EVI2B: variants seen among roughly 807,000 people sequenced by gnomAD.
EVI2B encodes the protein ecotropic viral integration site 2B, also known as protein EVI2B.
In EVI2B, 4 loss-of-function variants were observed where a neutral mutation model predicts 6.6. The ratio of observed to expected loss-of-function variants is 0.61; its 90% confidence interval spans 0.30 to 1.39. The LOEUF (loss-of-function observed/expected upper bound fraction) is 1.39, where lower values mean the gene tolerates loss of function less well. EVI2B is among the 40% of genes most tolerant of loss of function. The probability of loss-of-function intolerance (pLI) is 0.08; values close to 1 mark genes in which losing one functional copy is unlikely to be tolerated. For missense variants in EVI2B, 484 were observed against 516.6 expected (o/e 0.94, Z 0.61); for synonymous variants, 181 against 186.8 (o/e 0.97, Z 0.25).
rs1567883890 is a variant in EVI2B, at chr17:31,304,360, G to A, written c.1250C>T (p.Ser417Phe). Reference sequence around the variant, plus strand: ...CTCCTGACACTGGATCTCAAGGTTGGAATCTTCTTGGTTTTTCATAAAATC... The same window carrying A: ...CTCCTGACACTGGATCTCAAGGTTGAAATCTTCTTGGTTTTTCATAAAATC... ...PVDFMKNQED[S>F]NLEIQCQEFS... Residue 417 changes from serine to phenylalanine, a missense_variant, in exon 2 of 2, where the codon TCC becomes TTC. Ser to Phe is a radical substitution (Grantham distance 155). Transcript: ENST00000330927. The A allele has an allele frequency of 3.1e-6, 5 of 1,614,092 alleles. No individual in the cohort carries two copies. Among genetic ancestry groups the A allele is most frequent in the African/African-American group, 1.3e-5 (1 of 75,036 alleles).
chr17:31,304,244 A>G lies in EVI2B; in HGVS notation c.*19T>C. 1 of 1,558,552 alleles carries G rather than the reference A, an allele frequency of 6.4e-7. No homozygotes were observed. Among genetic ancestry groups the G allele is most frequent in the Non-Finnish European group, 8.7e-7 (1 of 1,154,794 alleles). On this transcript the variant is annotated 3_prime_UTR_variant, in exon 2 of 2. Coordinates refer to ENST00000330927, the MANE Select transcript of EVI2B (RefSeq NM_006495.4). ...GTCATTTGAGGATGGAAGATCAGCTAAAAAGCAAGTTGTAATATTTATAAC... is the reference window on the plus strand; with the variant it reads ...GTCATTTGAGGATGGAAGATCAGCTGAAAAGCAAGTTGTAATATTTATAAC...
At chr17:31,307,543 G>A (rs983321350) in intron 1 of EVI2B, among the ~76,000 whole-genome samples, 1 of 152,202 alleles carries the variant, frequency 6.6e-6, no homozygotes, top group African/African-American at 2.4e-5. Context: ...TGTGGTAGAT[G>A]CTAAAACTTG....
intron 1 of EVI2B, among the ~76,000 whole-genome samples, chr17:31,310,117 T>C (rs2068829482): frequency 6.6e-6 from 1 of 152,172 alleles, no homozygotes; most frequent in Non-Finnish European, 1.5e-5. Flanking sequence ...TTATTTAGCA[T>C]ACACATTTTA....
chr17:31,306,304 C>T (rs2068718964), intron 1 of EVI2B, among the ~76,000 whole-genome samples: 1 of 152,018 alleles, frequency 6.6e-6, no homozygotes, highest in Non-Finnish European at 1.5e-5. Context: ...CAGCTTTATG[C>T]CACAATTCCT....
At position 31,308,005 on chromosome 17, in the gene EVI2B, AT is replaced by A. The variant is rs2068769766; in HGVS notation, c.-21-2376del. On this transcript the variant is annotated intron_variant, in intron 1 of 1. Coordinates refer to ENST00000330927, the MANE Select transcript of EVI2B (RefSeq NM_006495.4). ...ATATGTGATTTTTTTCCCTATACGA[AT>A]AATTCAAGCCTGAATTTTAAAACAG... 4 of 992,560 alleles carry A rather than the reference AT, an allele frequency of 4.0e-6. No individual in the cohort carries two copies. The South Asian group carries it at 5.4e-5, about 13-fold the overall frequency. 61.5% of individuals were successfully genotyped at this position (992,560 alleles called of 1,614,324 possible). A position where few individuals can be genotyped will look rare whatever the true frequency, so the allele number is the denominator to read the frequency against.
intron 1 of EVI2B, among the ~76,000 whole-genome samples, chr17:31,313,214 G>C (rs986849330): frequency 3.3e-5 from 5 of 152,032 alleles, no homozygotes; most frequent in African/African-American, 1.2e-4. Flanking sequence ...GCAAACTAAA[G>C]GGGATACAAA....
Position 31,305,590 on chromosome 17 carries a change from A to T in EVI2B, c.20T>A (p.Ile7Asn). ...CAGGTGTCCACAAAACAAAATTAAG[A>T]TGAAATATTTGGGATCCATTTCAGA... MDPKYFILILFCGHLNN... is the reference protein window; with the variant it reads MDPKYFNLILFCGHLNN... Residue 7 changes from isoleucine to asparagine, a missense_variant, in exon 2 of 2, where the codon ATC becomes AAC. By Grantham distance (149) the Ile-to-Asn change is moderately radical. Coordinates refer to ENST00000330927, the MANE Select transcript of EVI2B (RefSeq NM_006495.4). 1 of 1,612,900 alleles carries T rather than the reference A, an allele frequency of 6.2e-7. No homozygotes were observed. The highest frequency in any genetic ancestry group is 8.5e-7 in the Non-Finnish European group (1 of 1,179,444).
chr17:31,308,886 C>T (rs1246693466), intron 1 of EVI2B, among the ~76,000 whole-genome samples: 1 of 152,140 alleles, frequency 6.6e-6, no homozygotes, highest in Non-Finnish European at 1.5e-5. Flanking sequence ...ATTGTGTTTA[C>T]TTTTCACATT....
At chr17:31,312,749 A>C (rs1044469085) in intron 1 of EVI2B, among the ~76,000 whole-genome samples, 1 of 152,170 alleles carries the variant, frequency 6.6e-6, no homozygotes, top group African/African-American at 2.4e-5. Context: ...ATTACTTAGA[A>C]GAAATCCTTC....
At chr17:31,312,785 A>G (rs2068912397) in intron 1 of EVI2B, among the ~76,000 whole-genome samples, 2 of 152,184 alleles carry the variant, frequency 1.3e-5, no homozygotes, top group African/African-American at 4.8e-5. Context: ...AATATTTATT[A>G]AGTGTTGAAA....
chr17:31,304,649 C>CACTATCTT lies in EVI2B; in HGVS notation c.953_960dup (p.Ala321LysfsTer43). The CACTATCTT allele has an allele frequency of 1.9e-6, 3 of 1,614,166 alleles. No homozygotes were observed. The highest frequency in any genetic ancestry group is 2.5e-6 in the Non-Finnish European group (3 of 1,180,002). The stretch of plus-strand genomic sequence containing the variant: ...GCAGTTCCAACTGTTGAACCATCAG[C>CACTATCTT]ACTATCTTCTGATGTACCATTTACT... On this transcript the variant is annotated frameshift_variant, in exon 2 of 2. Coordinates refer to ENST00000330927, the MANE Select transcript of EVI2B (RefSeq NM_006495.4). LOFTEE classifies it low-confidence loss of function (END_TRUNC).
chr17:31,311,752 G>A (rs991675674), intron 1 of EVI2B, among the ~76,000 whole-genome samples: 2 of 152,200 alleles, frequency 1.3e-5, no homozygotes, highest in African/African-American at 4.8e-5. Context: ...GCTCTAAGTA[G>A]TGGCACTAAT....
chr17:31,304,930 C>T lies in EVI2B; in HGVS notation c.680G>A (p.Cys227Tyr). Residue 227 changes from cysteine (C) to tyrosine (Y), a missense_variant, in exon 2 of 2, where the codon TGC (cysteine) becomes TAC (tyrosine). Physicochemically the swap from Cys to Tyr is radical, Grantham distance 194. Coordinates refer to ENST00000330927, the MANE Select transcript of EVI2B (RefSeq NM_006495.4). ...ATCATTTAAAACTGGTTTCCTTAAG[C>T]ATTTCCAAAGTACAATGATGATTAT... The part of the protein sequence containing the change: ...VAIIIIVLWK[C>Y]LRKPVLNDQN... 1.2e-6 allele frequency: 2 copies of T among 1,614,112 alleles called. No homozygotes were observed. The highest frequency in any genetic ancestry group is 1.7e-6 in the Non-Finnish European group (2 of 1,180,024).
At chr17:31,310,913 C>T (rs2068855794) in intron 1 of EVI2B, among the ~76,000 whole-genome samples, 1 of 150,870 alleles carries the variant, frequency 6.6e-6, no homozygotes, top group Non-Finnish European at 1.5e-5. Flanking sequence ...TACAGTGAAG[C>T]AGGAGTCCCC....
Position 31,304,951 on chromosome 17 carries a change from A to T in EVI2B, c.659T>A (p.Ile220Asn), listed in dbSNP as rs2068670247. 4 of 1,614,136 alleles carry T rather than the reference A, an allele frequency of 2.5e-6. No individual in the cohort carries two copies. Among genetic ancestry groups the T allele is most frequent in the Non-Finnish European group, 3.4e-6 (4 of 1,180,016 alleles). ...VLLTSMLVAI[I>N]IIVLWKCLRK... is the part of the protein sequence containing the mutation. Reference sequence around the variant, plus strand: ...TAAGCATTTCCAAAGTACAATGATGATTATAGCTACCAACATAGAAGTCAG... The same window carrying T: ...TAAGCATTTCCAAAGTACAATGATGTTTATAGCTACCAACATAGAAGTCAG... Residue 220 changes from isoleucine (I) to asparagine (N), a missense_variant, in exon 2 of 2, where the codon ATC (isoleucine) becomes AAC (asparagine). Coordinates refer to ENST00000330927, the MANE Select transcript of EVI2B (RefSeq NM_006495.4).
chr17:31,307,881 A>G (rs1162923514), intron 1 of EVI2B: 14 of 1,288,596 alleles, frequency 1.1e-5, no homozygotes, highest in Non-Finnish European at 1.4e-5. Context: ...AGGTTTTACA[A>G]ATTACCTTTT....
rs1261053304 is a variant in EVI2B, at chr17:31,312,097, A to G, written c.-22+1882T>C. Among the ~76,000 whole-genome samples the G allele has an allele frequency of 3.3e-5, 5 of 152,104 alleles. No homozygotes were observed. The South Asian group carries it at 1.0e-3, about 32-fold the overall frequency. ...TTGGACATTGAAAGGCATCAGATTT[A>G]TGTTTCTCAATTCAAACTTAATCAG... On this transcript the variant is annotated intron_variant, in intron 1 of 1. Coordinates refer to ENST00000330927, the MANE Select transcript of EVI2B (RefSeq NM_006495.4).
In EVI2B at chr17:31,313,722, ATGTGTGTGTG is replaced by A. The variant is rs60267436; in HGVS notation, c.-22+247_-22+256del. Among the ~76,000 whole-genome samples the A allele has an allele frequency of 3.9e-3, 540 of 138,924 alleles. 4 individuals carry two copies. Among genetic ancestry groups the A allele is most frequent in the African/African-American group, 0.013 (469 of 36,330 alleles). The allele number at this position is 138,924 out of a possible 152,430, so 91.1% of individuals were successfully genotyped here. ...CTCTATCTCAAAAAAAAAAAAAAATATGTGTGTGTGTGTGTGTGTGTGTGTGTGTGTGTGT... is the reference window on the plus strand; with the variant it reads ...CTCTATCTCAAAAAAAAAAAAAAATATGTGTGTGTGTGTGTGTGTGTGTGT... On this transcript the variant is annotated intron_variant, in intron 1 of 1. Coordinates refer to ENST00000330927, the MANE Select transcript of EVI2B (RefSeq NM_006495.4).
chr17:31,310,393 G>A (rs2068837897), intron 1 of EVI2B, among the ~76,000 whole-genome samples: 1 of 151,772 alleles, frequency 6.6e-6, no homozygotes, highest in Non-Finnish European at 1.5e-5. Context: ...TAGCAAGAAG[G>A]CAGTGTAGAT....
Sources: gnomAD v4.1 joint callset for allele counts (sites outside exome capture counted in the v4.1 genomes callset) on GRCh38, gnomAD v4.1.1 for gene constraint, MANE v1.5 for transcripts, NCBI Gene and HGNC (gene_info 2026-07-23, HGNC 2026-07-21) for gene names.